FAM131C: variants seen among roughly 807,000 people sequenced by gnomAD.
FAM131C encodes the protein family with sequence similarity 131 member C.
A neutral mutation model predicts 29.8 loss-of-function variants in FAM131C; 14 were observed. The ratio of observed to expected loss-of-function variants is 0.47; its 90% CI spans 0.31 to 0.73. The LOEUF (loss-of-function observed/expected upper bound fraction) is 0.73, where lower values mean the gene tolerates loss of function less well. Ranked by LOEUF, FAM131C falls within the 30% of genes least tolerant of loss-of-function variation. FAM131C has a pLI of 0.05. For missense variants in FAM131C, 252 were observed against 383.8 expected (o/e 0.66, Z 2.87); for synonymous variants, 86 against 157.8 (o/e 0.54, Z 3.41).
rs2023613770 is a variant in FAM131C at position 16,062,390 on chromosome 1, C to CCCG, written c.174+108_174+109insCGG. On this transcript the variant is annotated intron_variant, in intron 3 of 6. Coordinates refer to ENST00000375662, the MANE Select transcript of FAM131C (RefSeq NM_182623.3). ...CCACTGTTTCATCAGGCCCCCCCCC[C>CCCG]CCCCGCCCCAGGGCCAGCAGGACTG... 6 of 1,263,908 alleles carry CCCG rather than the reference C, an allele frequency of 4.7e-6. No individual in the cohort carries two copies. The African/African-American group carries it at 6.7e-5, about 14-fold the overall frequency. The allele number at this position is 1,263,908 out of a possible 1,614,324, so 78.3% of individuals were successfully genotyped here. A position where few individuals can be genotyped will look rare whatever the true frequency, so the allele number is the denominator to read the frequency against.
At chr1:16,062,037 G>A in intron 4 of FAM131C, 62 bp downstream of exon 4, 20 of 1,528,630 alleles carry the variant, frequency 1.3e-5, no homozygotes, top group Non-Finnish European at 1.7e-5. Flanking sequence ...CCTTCCCACA[G>A]CCAGGGTCTA....
chr1:16,063,284 G>A (rs140392600), intron 2 of FAM131C, among the ~76,000 whole-genome samples: 22 of 149,830 alleles, frequency 1.5e-4, no homozygotes, highest in African/African-American at 3.5e-4. Context: ...GTTAATTTGC[G>A]CAGGAAGACC....
rs150092475 is a variant in FAM131C at position 16,063,713 on chromosome 1, C to T, written c.23-77G>A. On this transcript the variant is annotated intron_variant, in intron 1 of 6. Coordinates refer to ENST00000375662, the MANE Select transcript of FAM131C (RefSeq NM_182623.3). ...TTACAAAGCATGTTCAAGGCCCCCC[C>T]GTAAGGTGAGTATGGCCTTGTTTTT... is the stretch of plus-strand genomic sequence containing the variant. 3.5e-5 allele frequency: 34 copies of T among 961,200 alleles called. No individual in the cohort carries two copies. In the African/African-American group the frequency reaches 4.0e-4, roughly 11 times the overall value. The allele number at this position is 961,200 out of a possible 1,614,324, so 59.5% of individuals were successfully genotyped here.
At chr1:16,063,390 C>T (rs928267214) in intron 2 of FAM131C, 131 bp downstream of exon 2, 2 of 704,392 alleles carry the variant, frequency 2.8e-6, no homozygotes, top group Non-Finnish European at 2.5e-6. Flanking sequence ...GCCTTAGGGC[C>T]CCTGGTCCCA....
intron 4 of FAM131C, 45 bp from the exon 5 acceptor site, chr1:16,060,096 C>T (rs1407946549): frequency 1.9e-6 from 2 of 1,055,880 alleles, no homozygotes; most frequent in East Asian, 2.8e-5. Context: ...ACACAAGGCT[C>T]AGCGCAGGGC....
At chr1:16,063,953 G>A (rs901070677) in intron 1 of FAM131C, among the ~76,000 whole-genome samples, 13 of 151,802 alleles carry the variant, frequency 8.6e-5, no homozygotes, top group Admixed American at 5.9e-4. Flanking sequence ...AGATCCTCCC[G>A]TCCTCTTTTG....
intron 1 of FAM131C, among the ~76,000 whole-genome samples, chr1:16,069,996 C>T (rs1034386977): frequency 6.6e-6 from 1 of 152,076 alleles, no homozygotes; most frequent in Non-Finnish European, 1.5e-5. Flanking sequence ...AACTCGTGGG[C>T]TCAAGCGATC....
intron 1 of FAM131C, among the ~76,000 whole-genome samples, chr1:16,067,228 T>A (rs1199671339): frequency 2.0e-5 from 3 of 152,258 alleles, no homozygotes; most frequent in African/African-American, 7.2e-5. Flanking sequence ...CCCCATGATG[T>A]CACAGGCTGG....
chr1:16,066,413 T>G (rs2023684214), intron 1 of FAM131C, among the ~76,000 whole-genome samples: 1 of 152,208 alleles, frequency 6.6e-6, no homozygotes, highest in South Asian at 2.1e-4. Context: ...GCCGTGCGCC[T>G]GCACACCATA....
At chr1:16,060,125 G>T in intron 4 of FAM131C, 74 bp from the exon 5 acceptor site, 3 of 761,500 alleles carry the variant, frequency 3.9e-6, no homozygotes, top group Non-Finnish European at 6.0e-6. Flanking sequence ...CATGCCTCAG[G>T]CCCACCCAGT....
intron 1 of FAM131C, among the ~76,000 whole-genome samples, chr1:16,066,939 G>A (rs1329451255): frequency 6.6e-6 from 1 of 152,210 alleles, no homozygotes; most frequent in East Asian, 1.9e-4. Context: ...AGGTGTTAGG[G>A]TATTTCTAGG....
chr1:16,067,534 G>A (rs913090314), intron 1 of FAM131C, among the ~76,000 whole-genome samples: 11 of 152,100 alleles, frequency 7.2e-5, no homozygotes, highest in Admixed American at 2.6e-4. Context: ...AGAGTGACAG[G>A]CTTCTGGCTG....
chr1:16,062,420 C>G, intron 3 of FAM131C, 79 bp downstream of exon 3: 1 of 997,588 alleles, frequency 1.0e-6, no homozygotes, highest in Non-Finnish European at 1.5e-6. Flanking sequence ...GGACTGTGTG[C>G]CTGGGCTGGG....
Position 16,063,627 on chromosome 1 carries a change from G to C in FAM131C, c.32C>G (p.Thr11Arg). 6.2e-7 allele frequency: 1 copy of C among 1,609,170 alleles called. No individual in the cohort carries two copies. The highest frequency in any genetic ancestry group is 2.2e-5 in the East Asian group (1 of 44,658). ...CATGGGGCAGTTCTTGTGGGCACTTGTGAACAGGTCTGGAAATAAGAGCAA... is the reference window on the plus strand; with the variant it reads ...CATGGGGCAGTTCTTGTGGGCACTTCTGAACAGGTCTGGAAATAAGAGCAA... MGSCVSRDLF[T>R]SAHKNCPMPQ... The change falls in exon 2 of 7, where the codon ACA becomes AGA. Residue 11 changes from threonine to arginine, a missense_variant. This residue lies in a region of FAM131C where 76 missense variants were observed against 62.8 expected (regional missense o/e 1.21). Transcript: ENST00000375662.
At chr1:16,058,884 T>C (rs749179729) in intron 6 of FAM131C, among the ~76,000 whole-genome samples, 167 bp from the exon 7 acceptor site, 8 of 152,156 alleles carry the variant, frequency 5.3e-5, no homozygotes, top group Non-Finnish European at 1.2e-4. Context: ...GAGCCCCAGC[T>C]TTCTCCTCCA....
chr1:16,073,499 C>A lies in FAM131C; in HGVS notation c.-57G>T. ...GGGGTGCGTGGGGCCGCGGGGCGTTCATGTCTCCGCGGGCCCGGGGCTGAG... is the reference window on the plus strand; with the variant it reads ...GGGGTGCGTGGGGCCGCGGGGCGTTAATGTCTCCGCGGGCCCGGGGCTGAG... On this transcript the variant is annotated 5_prime_UTR_variant, in exon 1 of 7. The change abolishes an upstream ATG in the 5' untranslated region. Transcript: ENST00000375662. The A allele has an allele frequency of 9.0e-7, 1 of 1,106,354 alleles. No individual in the cohort carries two copies. Among genetic ancestry groups the A allele is most frequent in the South Asian group, 4.5e-5 (1 of 22,458 alleles). 68.5% of individuals were successfully genotyped at this position (1,106,354 alleles called of 1,614,324 possible).
chr1:16,062,059 T>C (rs1443800773), intron 4 of FAM131C, 40 bp downstream of exon 4: 339 of 1,599,022 alleles, frequency 2.1e-4, no homozygotes, highest in Non-Finnish European at 2.6e-6. Flanking sequence ...GGTGGGACCG[T>C]GCATTCTCCA....
intron 4 of FAM131C, among the ~76,000 whole-genome samples, chr1:16,061,077 C>G (rs934896866): frequency 6.6e-6 from 1 of 151,944 alleles, no homozygotes; most frequent in African/African-American, 2.4e-5. Context: ...CCCGGGTCCC[C>G]GAAGCCATAA....
At position 16,073,527 on chromosome 1, in the gene FAM131C, C is replaced by G; in HGVS notation, c.-85G>C. 1 of 834,388 alleles carries G rather than the reference C, an allele frequency of 1.2e-6. No homozygotes were observed. The highest frequency in any genetic ancestry group is 1.6e-6 in the Non-Finnish European group (1 of 642,994). The allele number at this position is 834,388 out of a possible 1,614,324, so 51.7% of individuals were successfully genotyped here. A position where few individuals can be genotyped will look rare whatever the true frequency, so the allele number is the denominator to read the frequency against. ...GTCTCCGCGGGCCCGGGGCTGAGCG[C>G]TGCGGAGCCAGAGGACGGGCGGGGC... On this transcript the variant is annotated 5_prime_UTR_variant, in exon 1 of 7. Coordinates refer to ENST00000375662, the MANE Select transcript of FAM131C (RefSeq NM_182623.3).
Sources: gnomAD v4.1 joint callset for allele counts (sites outside exome capture counted in the v4.1 genomes callset) on GRCh38, gnomAD v4.1.1 for gene constraint, gnomAD v4.1.1 regional missense constraint, MANE v1.5 for transcripts, NCBI Gene and HGNC (gene_info 2026-07-23, HGNC 2026-07-21) for gene names.